SLC35D1: variants seen among roughly 807,000 people sequenced by gnomAD.
SLC35D1 encodes solute carrier family 35 member D1, also known as nucleotide sugar transporter SLC35D1.
Under a neutral mutation model 46.7 loss-of-function variants are expected in SLC35D1, and 31 were observed. The ratio of observed to expected loss-of-function variants is 0.66; its 90% CI spans 0.50 to 0.90. The LOEUF is 0.90. Ranked by LOEUF, SLC35D1 falls within the 40% of genes least tolerant of loss-of-function variation. The pLI, the probability that SLC35D1 is intolerant of heterozygous loss-of-function variation, is 0.00. For synonymous variants in SLC35D1, 195 were observed against 164.6 expected, an observed-to-expected ratio of 1.18 and a Z score of -1.41; for missense variants, 397 against 426.2, an observed-to-expected ratio of 0.93 and a Z score of 0.60.
the SLC35D1 span, among the ~76,000 whole-genome samples, chr1:66,980,121 C>T: frequency 6.6e-6 from 1 of 152,192 alleles, no homozygotes; most frequent in Non-Finnish European, 1.5e-5. Flanking sequence ...GTATTTATTT[C>T]CAACAATTCC....
the SLC35D1 span, chr1:66,987,762 A>AATATAT: frequency 6.6e-6 from 1 of 151,590 alleles, no homozygotes; most frequent in Admixed American, 6.6e-5. Context: ...TGACAAGGCA[A>AATATAT]ATATATATAT....
At chr1:67,052,530 C>G (rs1384120787) in intron 3 of SLC35D1, among the ~76,000 whole-genome samples, 1 of 152,180 alleles carries the variant, frequency 6.6e-6, no homozygotes, top group Non-Finnish European at 1.5e-5. Context: ...ATTGTACTCT[C>G]AACAAGTGTG....
At chr1:66,975,476 G>T in the SLC35D1 span, among the ~76,000 whole-genome samples, 1 of 151,900 alleles carries the variant, frequency 6.6e-6, no homozygotes, top group East Asian at 1.9e-4. Flanking sequence ...GCAGTTAGCG[G>T]TTTGGTGCCA....
At chr1:66,975,513 A>G in the SLC35D1 span, among the ~76,000 whole-genome samples, 1 of 151,218 alleles carries the variant, frequency 6.6e-6, no homozygotes, top group East Asian at 1.9e-4. Flanking sequence ...GCAACAGAGC[A>G]TGACACTATC....
At chr1:66,989,694 G>A in the SLC35D1 span, among the ~76,000 whole-genome samples, 1 of 152,148 alleles carries the variant, frequency 6.6e-6, no homozygotes, top group Admixed American at 6.5e-5. Context: ...GGAAATCCTG[G>A]GCTCGAGTGA....
chr1:66,991,266 G>C, the SLC35D1 span, among the ~76,000 whole-genome samples: 1 of 152,176 alleles, frequency 6.6e-6, no homozygotes, highest in South Asian at 2.1e-4. Flanking sequence ...CCCATTGCTT[G>C]TGTAATCCTA....
At chr1:67,021,667 T>C (rs1570619327) in intron 8 of SLC35D1, 65 bp from the exon 9 acceptor site, 1 of 1,522,744 alleles carries the variant, frequency 6.6e-7, no homozygotes, top group Non-Finnish European at 9.1e-7. Flanking sequence ...CCCGTTTTAA[T>C]GTAAATCCTT....
chr1:67,033,349 T>C (rs1668056743), intron 8 of SLC35D1, among the ~76,000 whole-genome samples: 1 of 151,964 alleles, frequency 6.6e-6, no homozygotes, highest in Non-Finnish European at 1.5e-5. Flanking sequence ...CCACCAAGAG[T>C]GTATGAGGGT....
chr1:67,035,620 C>T (rs1204352638), intron 8 of SLC35D1, among the ~76,000 whole-genome samples: 1 of 151,718 alleles, frequency 6.6e-6, no homozygotes, highest in Admixed American at 6.6e-5. Flanking sequence ...TCAATTTTTT[C>T]ATTTCAGAAA....
Position 67,049,770 on chromosome 1 carries a change from C to G in SLC35D1, c.533+12G>C. 1 of 1,610,156 alleles carries G rather than the reference C, an allele frequency of 6.2e-7. No individual in the cohort carries two copies. Among genetic ancestry groups the G allele is most frequent in the Non-Finnish European group, 8.5e-7 (1 of 1,176,728 alleles). On this transcript the variant is annotated intron_variant, in intron 6 of 11. Coordinates refer to ENST00000235345, the MANE Select transcript of SLC35D1 (RefSeq NM_015139.3). ...CAATTTATAATGTGCTAGTCATAGG[C>G]CCACATCTTACCTGGCAGCTACAAA... is the stretch of plus-strand genomic sequence containing the variant.
rs987116885 is a variant in SLC35D1, at chr1:67,049,770, C to A, written c.533+12G>T. On this transcript the variant is annotated intron_variant, in intron 6 of 11. Coordinates refer to ENST00000235345, the MANE Select transcript of SLC35D1 (RefSeq NM_015139.3). ...CAATTTATAATGTGCTAGTCATAGG[C>A]CCACATCTTACCTGGCAGCTACAAA... 2 of 1,610,156 alleles carry A rather than the reference C, an allele frequency of 1.2e-6. No individual in the cohort carries two copies. Among genetic ancestry groups the A allele is most frequent in the South Asian group, 2.2e-5 (2 of 90,908 alleles).
In SLC35D1 at chr1:67,021,604, T is replaced by C. The variant is rs1315849726; in HGVS notation, c.730-2A>G. The stretch of plus-strand genomic sequence containing the variant: ...AGCCCAGCCTTCAAACTCCACAGCC[T>C]GCAACACACAAGAAAGCATTAAATT... On this transcript the variant is annotated splice_acceptor_variant, in intron 8 of 11. Transcript: ENST00000235345. LOFTEE classifies it high-confidence loss of function. 2 of 1,613,784 alleles carry C rather than the reference T, an allele frequency of 1.2e-6. No homozygotes were observed. The highest frequency in any genetic ancestry group is 2.2e-5 in the South Asian group (2 of 91,066).
At chr1:67,017,471 C>CT (rs1412869548) in intron 10 of SLC35D1, among the ~76,000 whole-genome samples, 2 of 152,074 alleles carry the variant, frequency 1.3e-5, no homozygotes, top group Non-Finnish European at 2.9e-5. Context: ...TGAAACTGTG[C>CT]TTTTCTTAAA....
rs1242359675 is a variant in SLC35D1, at chr1:67,042,270, A to G, written c.695T>C (p.Leu232Pro). 1 of 1,614,068 alleles carries G rather than the reference A, an allele frequency of 6.2e-7. No individual in the cohort carries two copies. The highest frequency in any genetic ancestry group is 8.5e-7 in the Non-Finnish European group (1 of 1,180,020). Residue 232 changes from leucine to proline, a missense_variant, in exon 8 of 12, where the codon CTG becomes CCG. Leu to Pro is a moderately conservative substitution (Grantham distance 98). Coordinates refer to ENST00000235345, the MANE Select transcript of SLC35D1 (RefSeq NM_015139.3). ...ATCTCCTGTGAAATACGCAATGGCC[A>G]GGGTGGGCAGAATCATGAACAGTGC... ...YNALFMILPT[L>P]AIAYFTGDAQ...
At chr1:67,046,715 T>C (rs904828544) in intron 7 of SLC35D1, among the ~76,000 whole-genome samples, 1 of 152,194 alleles carries the variant, frequency 6.6e-6, no homozygotes, top group Non-Finnish European at 1.5e-5. Flanking sequence ...TCTGGCTTGA[T>C]CTAAAAATAA....
chr1:67,039,819 G>C (rs900918124), intron 8 of SLC35D1, among the ~76,000 whole-genome samples: 9 of 152,018 alleles, frequency 5.9e-5, no homozygotes, highest in African/African-American at 2.2e-4. Flanking sequence ...CAGAAACTCT[G>C]TCTCAACCCC....
the SLC35D1 span, among the ~76,000 whole-genome samples, chr1:66,983,717 T>C: frequency 6.6e-6 from 1 of 152,162 alleles, no homozygotes; most frequent in Non-Finnish European, 1.5e-5. Context: ...CTTAGGTAAA[T>C]AGTGTGTGAT....
At chr1:67,051,695 T>C (rs1426895205) in intron 4 of SLC35D1, among the ~76,000 whole-genome samples, 1 of 152,234 alleles carries the variant, frequency 6.6e-6, no homozygotes, top group Non-Finnish European at 1.5e-5. Flanking sequence ...AAGCCTAGTA[T>C]ATATCTTCAC....
intron 1 of SLC35D1, among the ~76,000 whole-genome samples, chr1:67,053,426 G>A (rs1005716494): frequency 2.0e-5 from 3 of 152,204 alleles, no homozygotes; most frequent in Non-Finnish European, 2.9e-5. Flanking sequence ...CCGGCCCCCT[G>A]TCCAGGCTGC....
Sources: gnomAD v4.1 joint callset for allele counts (sites outside exome capture counted in the v4.1 genomes callset) on GRCh38, gnomAD v4.1.1 for gene constraint, MANE v1.5 for transcripts, NCBI Gene and HGNC (gene_info 2026-07-23, HGNC 2026-07-21) for gene names.